RYR3: variants seen among roughly 807,000 people sequenced by gnomAD.
RYR3 encodes brain ryanodine receptor-calcium release channel.
RYR3 carries 207 observed loss-of-function variants against 584.3 expected under a neutral mutation model. That is an observed-to-expected ratio of 0.35 (90% CI 0.32 to 0.40). The LOEUF (loss-of-function observed/expected upper bound fraction) is 0.40, where lower values mean the gene tolerates loss of function less well. RYR3 is among the 10% of genes least tolerant of loss of function. The pLI, the probability that RYR3 is intolerant of heterozygous loss-of-function variation, is 1.00. For synonymous variants in RYR3, 2,416 were observed against 2,248.5 expected, an observed-to-expected ratio of 1.07 and a Z score of -2.11; for missense variants, 5,616 against 6,089.2, an observed-to-expected ratio of 0.92 and a Z score of 2.59.
chr15:33,567,487 A>C (rs898850036), intron 12 of RYR3, among the ~76,000 whole-genome samples: 1 of 152,152 alleles, frequency 6.6e-6, no homozygotes, highest in Non-Finnish European at 1.5e-5. Flanking sequence ...ACTTTTTTTC[A>C]GATCTTGACT....
intron 2 of RYR3, among the ~76,000 whole-genome samples, chr15:33,495,184 A>G (rs578051129): frequency 2.0e-5 from 3 of 152,318 alleles, no homozygotes; most frequent in African/African-American, 7.2e-5. Flanking sequence ...AAAATAGAGA[A>G]TGCTTTCTGA....
At chr15:33,345,839 G>A (rs1972396068) in intron 1 of RYR3, among the ~76,000 whole-genome samples, 1 of 152,168 alleles carries the variant, frequency 6.6e-6, no homozygotes, top group Non-Finnish European at 1.5e-5. Context: ...CTACATGAAA[G>A]TGAAAATCCT....
intron 9 of RYR3, among the ~76,000 whole-genome samples, chr15:33,549,092 C>T (rs773928217): frequency 3.3e-5 from 5 of 151,874 alleles, no homozygotes; most frequent in Non-Finnish European, 5.9e-5. Context: ...GATAAATTGG[C>T]GGCTGATGGT....
At chr15:33,632,588 A>C (rs1395909977) in intron 23 of RYR3, among the ~76,000 whole-genome samples, 1 of 152,048 alleles carries the variant, frequency 6.6e-6, no homozygotes, top group Admixed American at 6.5e-5. Flanking sequence ...TCTGGTTTTG[A>C]CTTTTTGTGT....
chr15:33,345,052 T>C (rs1231608541), intron 1 of RYR3, among the ~76,000 whole-genome samples: 1 of 152,198 alleles, frequency 6.6e-6, no homozygotes, highest in Non-Finnish European at 1.5e-5. Context: ...GAATGAGAAC[T>C]CAGGTTGTCT....
In RYR3 at chr15:33,662,580, C is replaced by T; in HGVS notation, c.5050C>T (p.Pro1684Ser). 6.2e-7 allele frequency: 1 copy of T among 1,613,992 alleles called. No individual in the cohort carries two copies. The highest frequency in any genetic ancestry group is 8.5e-7 in the Non-Finnish European group (1 of 1,179,890). ...TGGTGAGGATCACCAAAAGCAGAGC[C>T]CCGAGATTCCCTTGGAGAGTCTCAG... is the stretch of plus-strand genomic sequence containing the variant. ...VTGEDHQKQSPEIPLESLRTK... is the reference protein window; with the variant it reads ...VTGEDHQKQSSEIPLESLRTK... The change falls in exon 35 of 104, where the codon CCC (proline) becomes TCC (serine). Residue 1684 changes from proline (P) to serine (S), a missense_variant. This residue lies in a region of RYR3 where 753 missense variants were observed against 741.0 expected (regional missense o/e 1.02). Transcript: ENST00000634891.
intron 67 of RYR3, among the ~76,000 whole-genome samples, chr15:33,793,925 T>C (rs935677422): frequency 1.1e-5 from 1 of 94,730 alleles, no homozygotes; most frequent in Non-Finnish European, 2.5e-5. Context: ...ACACACACTC[T>C]ATATATATAC....
chr15:33,361,400 T>C (rs906628281), intron 1 of RYR3, among the ~76,000 whole-genome samples: 3 of 152,176 alleles, frequency 2.0e-5, no homozygotes, highest in South Asian at 2.1e-4. Context: ...TACCTAACCA[T>C]GCATGGGCCG....
intron 32 of RYR3, among the ~76,000 whole-genome samples, chr15:33,659,424 A>G (rs934197064): frequency 2.0e-5 from 3 of 152,246 alleles, no homozygotes; most frequent in Admixed American, 2.0e-4. Flanking sequence ...GTGGGGAGTT[A>G]GCTTCACACC....
chr15:33,436,500 TC>T (rs1315637637), intron 1 of RYR3, among the ~76,000 whole-genome samples: 1 of 150,570 alleles, frequency 6.6e-6, no homozygotes, highest in Non-Finnish European at 1.5e-5. Flanking sequence ...GAAACCATAT[TC>T]TTTTTTTTTT....
intron 19 of RYR3, among the ~76,000 whole-genome samples, chr15:33,621,416 C>T (rs1695709954): frequency 6.6e-6 from 1 of 152,190 alleles, no homozygotes; most frequent in Non-Finnish European, 1.5e-5. Flanking sequence ...TATGTCAGTA[C>T]ACAATCTGTT....
At chr15:33,711,190 T>G (rs1206090671) in intron 43 of RYR3, among the ~76,000 whole-genome samples, 7 of 151,834 alleles carry the variant, frequency 4.6e-5, no homozygotes, top group Non-Finnish European at 7.4e-5. Flanking sequence ...CATTTTCACA[T>G]CTGAACATAG....
chr15:33,714,399 G>A (rs756859394), intron 43 of RYR3, among the ~76,000 whole-genome samples: 5 of 151,984 alleles, frequency 3.3e-5, no homozygotes, highest in African/African-American at 9.7e-5. Context: ...ATGTTTTAAG[G>A]CATATAATTT....
At chr15:33,643,187 C>G (rs1196834804) in intron 27 of RYR3, among the ~76,000 whole-genome samples, 1 of 152,076 alleles carries the variant, frequency 6.6e-6, no homozygotes, top group Admixed American at 6.6e-5. Context: ...GGAGTGACAC[C>G]ACTTTCTTCT....
intron 12 of RYR3, among the ~76,000 whole-genome samples, chr15:33,574,077 T>A (rs682639): frequency 6.6e-6 from 1 of 152,008 alleles, no homozygotes; most frequent in South Asian, 2.1e-4. Flanking sequence ...CCAGGTGCTA[T>A]ATGGAAGCAT....
At chr15:33,689,381 A>G (rs892789500) in intron 38 of RYR3, among the ~76,000 whole-genome samples, 2 of 152,086 alleles carry the variant, frequency 1.3e-5, no homozygotes, top group Non-Finnish European at 2.9e-5. Context: ...AAAAAATCCT[A>G]CCAAAATTGT....
At position 33,855,569 on chromosome 15, in the gene RYR3, A is replaced by G. The variant is rs138618661; in HGVS notation, c.14007+657A>G. The stretch of plus-strand genomic sequence containing the variant: ...ATATATTCCCTGGGGGTTAGCAAGT[A>G]GACATACTGTACACAGAAAACTCCC... On this transcript the variant is annotated intron_variant, in intron 98 of 103. Transcript: ENST00000634891. Among the ~76,000 whole-genome samples the G allele has an allele frequency of 2.3e-4, 35 of 151,870 alleles. No individual in the cohort carries two copies. In the East Asian group the frequency reaches 6.8e-3, roughly 29 times the overall value.
Position 33,404,585 on chromosome 15 carries a change from G to GTTTTT in RYR3, c.52-68833_52-68832insTTTTT, listed in dbSNP as rs200311525. Among the ~76,000 whole-genome samples the GTTTTT allele has an allele frequency of 2.2e-3, 276 of 127,740 alleles. 1 individual carries two copies. The highest frequency in any genetic ancestry group is 3.1e-3 in the Non-Finnish European group (201 of 63,950). The allele number at this position is 127,740 out of a possible 152,430, so 83.8% of individuals were successfully genotyped here. On this transcript the variant is annotated intron_variant, in intron 1 of 103. Transcript: ENST00000634891. ...AAATGAGGAATTACTATTTACTACTGTGTGTTTTTTTTTTTTTTACTTGTA... is the reference window on the plus strand; with the variant it reads ...AAATGAGGAATTACTATTTACTACTGTTTTTTGTGTTTTTTTTTTTTTTACTTGTA...
intron 1 of RYR3, among the ~76,000 whole-genome samples, chr15:33,357,716 C>T (rs568177348): frequency 6.6e-6 from 1 of 152,054 alleles, no homozygotes; most frequent in African/African-American, 2.4e-5. Context: ...AAAACTCCAC[C>T]TTCATTTATA....
Sources: gnomAD v4.1 joint callset for allele counts (sites outside exome capture counted in the v4.1 genomes callset) on GRCh38, gnomAD v4.1.1 for gene constraint, gnomAD v4.1.1 regional missense constraint, MANE v1.5 for transcripts, NCBI Gene and HGNC (gene_info 2026-07-23, HGNC 2026-07-21) for gene names.